Variants in FRRS1 observed in about 807,000 individuals in gnomAD.
The protein encoded by FRRS1 is ferric chelate reductase 1, also known as ferric reductase 1.
A neutral mutation model predicts 70.7 loss-of-function variants in FRRS1; 51 were observed. The ratio of observed to expected loss-of-function variants is 0.72; its 90% CI spans 0.58 to 0.91. The LOEUF (loss-of-function observed/expected upper bound fraction) is 0.91. Ranked by LOEUF, FRRS1 falls within the 40% of genes least tolerant of loss-of-function variation. FRRS1 has a pLI of 0.00. For missense variants in FRRS1, 672 were observed against 726.0 expected, an observed-to-expected ratio of 0.93 and a Z score of 0.86; for synonymous variants, 225 against 238.7, an observed-to-expected ratio of 0.94 and a Z score of 0.53.
intron 1 of FRRS1, among the ~76,000 whole-genome samples, chr1:99,754,821 T>C (rs576265646): frequency 6.6e-6 from 1 of 152,178 alleles, no homozygotes. Context: ...TAAATTAAAC[T>C]ACAGGAATTC....
chr1:99,711,256 G>A (rs1654260752), intron 14 of FRRS1: 3 of 282,816 alleles, frequency 1.1e-5, no homozygotes, highest in Non-Finnish European at 2.0e-5. Flanking sequence ...AAAGGGTAGT[G>A]TTTCAACTCT....
intron 9 of FRRS1, 59 bp downstream of exon 9, chr1:99,728,434 A>G: frequency 7.2e-7 from 1 of 1,393,148 alleles, no homozygotes; most frequent in South Asian, 1.5e-5. Context: ...AAAATGGGGG[A>G]AAGAGAGGGA....
In FRRS1 at chr1:99,742,287, GA is replaced by G; in HGVS notation, c.334-15del. The G allele has an allele frequency of 2.0e-6, 3 of 1,519,052 alleles. No homozygotes were observed. Among genetic ancestry groups the G allele is most frequent in the Non-Finnish European group, 2.7e-6 (3 of 1,094,158 alleles). The allele number at this position is 1,519,052 out of a possible 1,614,324, so 94.1% of individuals were successfully genotyped here. The stretch of plus-strand genomic sequence containing the variant: ...CACTGCTGATCCCTGAAATAAAAGG[GA>G]AAAGAGCTACCATTCAGTCACTCAA... On this transcript the variant is annotated splice_polypyrimidine_tract_variant and intron_variant, in intron 4 of 16. Transcript: ENST00000646001.
Position 99,704,420 on chromosome 1 carries a change from A to G in FRRS1, c.*4608T>C, listed in dbSNP as rs998194719. On this transcript the variant is annotated 3_prime_UTR_variant, in exon 17 of 17. Coordinates refer to ENST00000646001, the MANE Select transcript of FRRS1 (RefSeq NM_001361041.2). ...ACTAGCTTTTGTAAGTGATAACGGG[A>G]GGGAAGTGCTGGGAAGGGCGTGGTC... Among the ~76,000 whole-genome samples, 13 of 152,154 alleles carry G rather than the reference A, an allele frequency of 8.5e-5. No homozygotes were observed. Among genetic ancestry groups the G allele is most frequent in the African/African-American group, 3.1e-4 (13 of 41,438 alleles).
intron 7 of FRRS1, among the ~76,000 whole-genome samples, chr1:99,734,231 G>A (rs1655537558): frequency 6.6e-6 from 1 of 152,124 alleles, no homozygotes; most frequent in African/African-American, 2.4e-5. Context: ...ACTTTATTGG[G>A]ACAGCTGGGA....
intron 7 of FRRS1, among the ~76,000 whole-genome samples, chr1:99,736,536 G>A (rs954097546): frequency 2.7e-5 from 4 of 148,544 alleles, no homozygotes; most frequent in African/African-American, 1.0e-4. Flanking sequence ...ACCAAACACC[G>A]CATGTTCTCA....
At chr1:99,752,893 T>C (rs1157602494) in intron 1 of FRRS1, among the ~76,000 whole-genome samples, 1 of 152,116 alleles carries the variant, frequency 6.6e-6, no homozygotes, top group Non-Finnish European at 1.5e-5. Flanking sequence ...CTTCAATTTG[T>C]AGCCAGGAAC....
chr1:99,731,349 T>C (rs913711902), intron 7 of FRRS1, among the ~76,000 whole-genome samples: 7 of 152,342 alleles, frequency 4.6e-5, no homozygotes, highest in African/African-American at 1.4e-4. Context: ...GATTCTAACA[T>C]ACTTCTATAG....
intron 9 of FRRS1, among the ~76,000 whole-genome samples, chr1:99,726,379 C>G (rs1655081129): frequency 6.6e-6 from 1 of 152,148 alleles, no homozygotes; most frequent in Non-Finnish European, 1.5e-5. Context: ...CAGACTAATA[C>G]AGACACCAAA....
intron 12 of FRRS1, among the ~76,000 whole-genome samples, chr1:99,713,652 C>T (rs1458560114): frequency 6.6e-6 from 1 of 152,184 alleles, no homozygotes; most frequent in Admixed American, 6.5e-5. Flanking sequence ...CTGAACTTAA[C>T]ATATGTCACT....
At chr1:99,762,954 C>G (rs755555467) in intron 1 of FRRS1, among the ~76,000 whole-genome samples, 25 of 152,158 alleles carry the variant, frequency 1.6e-4, no homozygotes, top group Non-Finnish European at 3.5e-4. Flanking sequence ...ATTACCTTCA[C>G]TCAGATTAAT....
intron 1 of FRRS1, 60 bp downstream of exon 1, chr1:99,766,547 A>G (rs1657362756): frequency 6.6e-6 from 1 of 152,172 alleles, no homozygotes; most frequent in Non-Finnish European, 1.5e-5. Flanking sequence ...GCTAAGCTGG[A>G]TTTGATTTTT....
chr1:99,729,032 C>A (rs759037220), intron 8 of FRRS1, among the ~76,000 whole-genome samples: 1 of 152,250 alleles, frequency 6.6e-6, no homozygotes, highest in Non-Finnish European at 1.5e-5. Flanking sequence ...AAGTTCCAAG[C>A]CAGCCTTGGG....
intron 4 of FRRS1, among the ~76,000 whole-genome samples, chr1:99,743,384 T>G (rs6697945): frequency 6.6e-6 from 1 of 152,006 alleles, no homozygotes; most frequent in Admixed American, 6.5e-5. Flanking sequence ...TTTTTCAATA[T>G]ATATATTAGA....
chr1:99,756,780 G>A (rs1656856437), intron 1 of FRRS1, among the ~76,000 whole-genome samples: 1 of 152,174 alleles, frequency 6.6e-6, no homozygotes. Flanking sequence ...CTAGCAAACA[G>A]TGAATCATGT....
At chr1:99,744,153 G>A (rs566704790) in intron 4 of FRRS1, among the ~76,000 whole-genome samples, 147 of 151,862 alleles carry the variant, frequency 9.7e-4, no homozygotes, top group African/African-American at 3.5e-3. Context: ...CACATTTTTT[G>A]TGAAAGACCT....
At chr1:99,718,904 C>T (rs1654666906) in intron 10 of FRRS1, among the ~76,000 whole-genome samples, 1 of 152,126 alleles carries the variant, frequency 6.6e-6, no homozygotes, top group Non-Finnish European at 1.5e-5. Context: ...ACCCTGGCTG[C>T]AGTTAGAAAC....
chr1:99,729,094 C>T (rs1174526352), intron 8 of FRRS1, among the ~76,000 whole-genome samples: 2 of 152,268 alleles, frequency 1.3e-5, no homozygotes, highest in African/African-American at 4.8e-5. Context: ...GTAATAGCTA[C>T]TGCTCCGTCA....
At chr1:99,754,298 T>TA (rs1226039722) in intron 1 of FRRS1, among the ~76,000 whole-genome samples, 1 of 152,106 alleles carries the variant, frequency 6.6e-6, no homozygotes, top group Non-Finnish European at 1.5e-5. Flanking sequence ...AGACTGTCTG[T>TA]AAAAACAAAC....
Sources: gnomAD v4.1 joint callset for allele counts (sites outside exome capture counted in the v4.1 genomes callset) on GRCh38, gnomAD v4.1.1 for gene constraint, MANE v1.5 for transcripts, NCBI Gene and HGNC (gene_info 2026-07-23, HGNC 2026-07-21) for gene names.